PTK2B: variants seen among roughly 807,000 people sequenced by gnomAD.
PTK2B encodes the protein protein tyrosine kinase 2 beta.
Under a neutral mutation model 142.9 loss-of-function variants are expected in PTK2B, and 71 were observed. That is an observed-to-expected ratio of 0.50 (90% CI 0.41 to 0.61). The LOEUF (loss-of-function observed/expected upper bound fraction) is 0.61, where lower values mean the gene tolerates loss of function less well. PTK2B is among the 20% of genes least tolerant of loss of function. The pLI, the probability that PTK2B is intolerant of heterozygous loss-of-function variation, is 0.00. For synonymous variants in PTK2B, 519 were observed against 503.4 expected (o/e 1.03, Z -0.42); for missense variants, 1,105 against 1,320.4 (o/e 0.84, Z 2.53).
chr8:27,310,995 T>G (rs142163721), upstream of PTK2B: 407 of 1,611,826 alleles, frequency 2.5e-4, 1 homozygote, highest in African/African-American at 5.0e-3. Context: ...CGCAGCAGCT[T>G]CTCCACCAGG....
At chr8:27,376,366 G>C (rs1469631864) in intron 1 of PTK2B, among the ~76,000 whole-genome samples, 1 of 152,228 alleles carries the variant, frequency 6.6e-6, no homozygotes, top group Non-Finnish European at 1.5e-5. Context: ...GGCTTCTTGA[G>C]GTTGGGACTA....
intron 29 of PTK2B, 108 bp downstream of exon 29, chr8:27,454,399 C>A: frequency 1.3e-6 from 2 of 1,554,422 alleles, no homozygotes; most frequent in South Asian, 2.3e-5. Context: ...TTAGAGCAAG[C>A]TGGGCCAGGG....
upstream of PTK2B, among the ~76,000 whole-genome samples, chr8:27,320,588 T>A (rs1303179083): frequency 6.6e-6 from 1 of 152,170 alleles, no homozygotes; most frequent in East Asian, 1.9e-4. Context: ...CTTTTCTTTC[T>A]TTTGTCCTTT....
chr8:27,459,384 T>G lies in PTK2B; in HGVS notation c.*875T>G. 4.3e-6 allele frequency: 1 copy of G among 232,894 alleles called. No individual in the cohort carries two copies. The highest frequency in any genetic ancestry group is 8.5e-6 in the Non-Finnish European group (1 of 117,766). 14.4% of individuals were successfully genotyped at this position (232,894 alleles called of 1,614,324 possible). A position where few individuals can be genotyped will look rare whatever the true frequency, so the allele number is the denominator to read the frequency against. ...GTGGTTGAATTAAAATTGTCCCATT[T>G]GCTTTGCGGTTTGTTTTGTTTGTTT... On this transcript the variant is annotated 3_prime_UTR_variant, in exon 31 of 31. Transcript: ENST00000346049.
upstream of PTK2B, chr8:27,311,109 C>A (rs775207348): frequency 6.3e-7 from 1 of 1,599,364 alleles, no homozygotes; most frequent in Middle Eastern, 1.7e-4. Context: ...CTCACGCACC[C>A]GCGGCAGAAG....
At chr8:27,457,991 AAAAAAAAG>A (rs1379038579) in intron 30 of PTK2B, among the ~76,000 whole-genome samples, 2 of 149,326 alleles carry the variant, frequency 1.3e-5, no homozygotes, top group African/African-American at 2.5e-5. Context: ...AAAAAAAAAA[AAAAAAAAG>A]ATCAGATTCG....
chr8:27,423,552 C>T (rs1809891152), intron 5 of PTK2B, among the ~76,000 whole-genome samples: 1 of 152,270 alleles, frequency 6.6e-6, no homozygotes, highest in African/African-American at 2.4e-5. Context: ...GGATGACTTT[C>T]AGGATGACTG....
At chr8:27,423,363 AG>A (rs1405369651) in intron 5 of PTK2B, among the ~76,000 whole-genome samples, 1 of 151,988 alleles carries the variant, frequency 6.6e-6, no homozygotes, top group Non-Finnish European at 1.5e-5. Flanking sequence ...TCTCTGTCTT[AG>A]AGCAGTGGTT....
intron 11 of PTK2B, among the ~76,000 whole-genome samples, chr8:27,433,813 A>G (rs1333201193): frequency 6.6e-6 from 1 of 152,208 alleles, no homozygotes; most frequent in East Asian, 1.9e-4. Flanking sequence ...GCTCAAAGCC[A>G]TTGCTAGTAG....
At chr8:27,311,219 T>C (rs766028609), upstream of PTK2B, 42 of 1,567,302 alleles carry the variant, frequency 2.7e-5, no homozygotes, top group Middle Eastern at 3.5e-4. Context: ...GGGGGACACG[T>C]CGGGACTCCG....
intron 1 of PTK2B, among the ~76,000 whole-genome samples, chr8:27,362,237 G>A (rs914152096): frequency 1.3e-5 from 2 of 152,180 alleles, no homozygotes; most frequent in African/African-American, 4.8e-5. Context: ...TGCACTTTCC[G>A]GGGCCTCCCC....
chr8:27,426,432 C>T (rs1405313352), intron 5 of PTK2B, among the ~76,000 whole-genome samples: 2 of 152,192 alleles, frequency 1.3e-5, no homozygotes, highest in Non-Finnish European at 2.9e-5. Flanking sequence ...TGTTGGCGGT[C>T]CAGGCATATT....
chr8:27,319,510 G>A (rs1479611125), intron 3 of PTK2B, among the ~76,000 whole-genome samples: 1 of 151,798 alleles, frequency 6.6e-6, no homozygotes, highest in African/African-American at 2.4e-5. Flanking sequence ...CAGGCCCGGT[G>A]GCGGGCGCCT....
intron 1 of PTK2B, among the ~76,000 whole-genome samples, chr8:27,389,759 A>C (rs1014277950): frequency 3.3e-5 from 5 of 152,096 alleles, no homozygotes; most frequent in Admixed American, 2.6e-4. Context: ...CTTGGAGAGG[A>C]GGGAGGTGAT....
intron 1 of PTK2B, among the ~76,000 whole-genome samples, chr8:27,350,629 C>T (rs971877380): frequency 6.6e-6 from 1 of 151,974 alleles, no homozygotes; most frequent in East Asian, 1.9e-4. Flanking sequence ...TGCAAGAGGT[C>T]GGACATAACA....
chr8:27,403,296 G>A (rs117676590), intron 2 of PTK2B, among the ~76,000 whole-genome samples: 2,360 of 152,264 alleles, frequency 0.015, 31 homozygotes, highest in South Asian at 0.055. Context: ...GGAAGCAGTC[G>A]CGAATCGCCC....
intron 2 of PTK2B, among the ~76,000 whole-genome samples, chr8:27,418,354 A>C (rs1375093051): frequency 1.3e-5 from 2 of 152,246 alleles, no homozygotes; most frequent in African/African-American, 4.8e-5. Context: ...AAATATTAGC[A>C]TGACATTTTC....
At chr8:27,364,435 A>G (rs576077585) in intron 1 of PTK2B, among the ~76,000 whole-genome samples, 5 of 152,368 alleles carry the variant, frequency 3.3e-5, no homozygotes, top group Admixed American at 6.5e-5. Flanking sequence ...GCACATTTAC[A>G]ATAAGCCAGA....
intron 2 of PTK2B, among the ~76,000 whole-genome samples, chr8:27,407,043 CT>C (rs1414720479): frequency 6.6e-6 from 1 of 152,146 alleles, no homozygotes; most frequent in African/African-American, 2.4e-5. Flanking sequence ...ATCAAGAACG[CT>C]TCATACGGTT....
Sources: gnomAD v4.1 joint callset for allele counts (sites outside exome capture counted in the v4.1 genomes callset) on GRCh38, gnomAD v4.1.1 for gene constraint, MANE v1.5 for transcripts, NCBI Gene and HGNC (gene_info 2026-07-23, HGNC 2026-07-21) for gene names.